Variants in KCNQ1 observed in about 807,000 individuals in gnomAD.
KCNQ1 encodes potassium voltage-gated channel subfamily Q member 1.
KCNQ1 carries 49 observed loss-of-function variants against 72.4 expected under a neutral mutation model. The observed-to-expected ratio is 0.68, with a 90% CI of 0.54 to 0.86. The LOEUF (loss-of-function observed/expected upper bound fraction) is 0.86. Among genes scored for constraint, KCNQ1 ranks in the 40% least tolerant of loss-of-function variants. The probability of loss-of-function intolerance (pLI) is 0.00; values close to 1 mark genes in which losing one functional copy is unlikely to be tolerated. For missense variants in KCNQ1, 790 were observed against 945.1 expected (o/e 0.84, Z 2.15); for synonymous variants, 450 against 412.6 (o/e 1.09, Z -1.10).
chr11:2,838,432 C>T (rs891211993), intron 15 of KCNQ1, among the ~76,000 whole-genome samples: 5 of 146,314 alleles, frequency 3.4e-5, no homozygotes, highest in Non-Finnish European at 4.6e-5. Context: ...GGCATTGATC[C>T]GGAGCCACTG....
chr11:2,640,186 T>C, intron 10 of KCNQ1: 1 of 389,498 alleles, frequency 2.6e-6, no homozygotes, highest in Non-Finnish European at 4.5e-6. Context: ...CTACTTCGTC[T>C]CACACTCAGT....
intron 11 of KCNQ1, chr11:2,662,937 T>C: frequency 2.5e-6 from 1 of 398,656 alleles, no homozygotes; most frequent in Non-Finnish European, 4.4e-6. Context: ...TGTGTGTCTT[T>C]GTCGTAGTGA....
At chr11:2,667,892 C>G (rs1850111765) in intron 11 of KCNQ1, 1 of 398,542 alleles carries the variant, frequency 2.5e-6, no homozygotes, top group African/African-American at 2.1e-5. Context: ...AAGTGCGCAG[C>G]TTGAGGCATC....
rs1254704152 is a variant in KCNQ1, at chr11:2,698,303, T to C, written c.1514+36222T>C. 2 of 398,506 alleles carry C rather than the reference T, an allele frequency of 5.0e-6. No homozygotes were observed. Among genetic ancestry groups the C allele is most frequent in the African/African-American group, 4.1e-5 (2 of 48,628 alleles). The allele number at this position is 398,506 out of a possible 1,614,324, so 24.7% of individuals were successfully genotyped here. On this transcript the variant is annotated intron_variant, in intron 11 of 15. Coordinates refer to ENST00000155840, the MANE Select transcript of KCNQ1 (RefSeq NM_000218.3). The surrounding 1 kb of genome is among the most constrained non-coding windows in gnomAD (Gnocchi z 5.1). ...ATTCTACCTGGATGAATTATTCTCT[T>C]TCATAACCAGAACAGTGCTGTGGGA...
rs557075077 is a variant in KCNQ1 at position 2,550,768 on chromosome 11, A to G, written c.478-19860A>G. On this transcript the variant is annotated intron_variant, in intron 2 of 15. Transcript: ENST00000155840. The surrounding 1 kb of genome is among the most constrained non-coding windows in gnomAD (Gnocchi z 6.0). Reference sequence around the variant, plus strand: ...GGCTCAGCCCAGGACCAGAGCGCAAATAGGGCTGGAGTCCCGAGTACAAGG... The same window carrying G: ...GGCTCAGCCCAGGACCAGAGCGCAAGTAGGGCTGGAGTCCCGAGTACAAGG... 3.3e-5 allele frequency among the ~76,000 whole-genome samples: 5 copies of G among 152,196 alleles called. No individual in the cohort carries two copies. The highest frequency in any genetic ancestry group is 7.4e-5 in the Non-Finnish European group (5 of 67,984).
intron 10 of KCNQ1, chr11:2,630,992 T>A: frequency 2.5e-6 from 1 of 398,564 alleles, no homozygotes; most frequent in Non-Finnish European, 4.4e-6. Flanking sequence ...TTTATTTATC[T>A]TGCCGCTTTC....
In KCNQ1 at chr11:2,531,933, C is replaced by T. The variant is rs190712139; in HGVS notation, c.477+3915C>T. Among the ~76,000 whole-genome samples, 47 of 152,330 alleles carry T rather than the reference C, an allele frequency of 3.1e-4. 1 individual carries two copies. The highest frequency in any genetic ancestry group is 1.1e-3 in the African/African-American group (45 of 41,578). On this transcript the variant is annotated intron_variant, in intron 2 of 15. Transcript: ENST00000155840. ...GGCTACATTCCCCAAGGTGGTGCCA[C>T]GTTCAGGCCCATCACCTGTAACACT...
rs540470179 is a variant in KCNQ1, at chr11:2,557,551, G to A, written c.478-13077G>A. ...CAAAATACGCATCACGCCTGAGCTC[G>A]CTAGCCTACAGTCTGGCAGGGCTCA... On this transcript the variant is annotated intron_variant, in intron 2 of 15. Transcript: ENST00000155840. Among the ~76,000 whole-genome samples the A allele has an allele frequency of 9.2e-5, 14 of 152,316 alleles. No homozygotes were observed. In the East Asian group the frequency reaches 2.1e-3, roughly 23 times the overall value.
At chr11:2,681,646 C>T in intron 11 of KCNQ1, 1 of 396,690 alleles carries the variant, frequency 2.5e-6, no homozygotes, top group Admixed American at 4.4e-5. Context: ...CTATCTCTCC[C>T]TCTCTCAGGA....
intron 1 of KCNQ1, among the ~76,000 whole-genome samples, chr11:2,518,625 C>T (rs1173185232): frequency 2.0e-5 from 3 of 152,160 alleles, no homozygotes; most frequent in Non-Finnish European, 4.4e-5. Context: ...CAGGTTTAAT[C>T]TCCAGATGGC....
intron 11 of KCNQ1, among the ~76,000 whole-genome samples, chr11:2,721,147 G>A (rs1009066928): frequency 6.6e-6 from 1 of 152,134 alleles, no homozygotes; most frequent in Non-Finnish European, 1.5e-5. Context: ...ACGCCGGGGG[G>A]ACATGTTGCT....
intron 10 of KCNQ1, chr11:2,655,278 T>A (rs966310775): frequency 2.5e-6 from 1 of 398,614 alleles, no homozygotes; most frequent in Non-Finnish European, 4.4e-6. Context: ...AACAAAATTG[T>A]TTTGTTCTGC....
Position 2,827,331 on chromosome 11 carries a change from T to C in KCNQ1, c.1795-20436T>C, listed in dbSNP as rs1847859515. ...TGGTGAATCAGCCTGGCCCCAGACC[T>C]CCTCTCTCTGCTTGCTTTCCTGTCC... On this transcript the variant is annotated intron_variant, in intron 15 of 15. Transcript: ENST00000155840. This position sits in a 1 kb window ranked among gnomAD's most constrained non-coding sequence, Gnocchi z 6.7. 6.6e-6 allele frequency among the ~76,000 whole-genome samples: 1 copy of C among 152,068 alleles called. No individual in the cohort carries two copies.
rs937652392 is a variant in KCNQ1, at chr11:2,491,606, T to G, written c.387-36322T>G. Among the ~76,000 whole-genome samples the G allele has an allele frequency of 3.3e-5, 5 of 152,096 alleles. No homozygotes were observed. The East Asian group carries it at 7.7e-4, about 23-fold the overall frequency. On this transcript the variant is annotated intron_variant, in intron 1 of 15. Coordinates refer to ENST00000155840, the MANE Select transcript of KCNQ1 (RefSeq NM_000218.3). This position sits in a 1 kb window ranked among gnomAD's most constrained non-coding sequence, Gnocchi z 4.1. ...AGCCTCAAAAGGGCAAATCTAAGAT[T>G]TATTGACCTTAAAGAGGAGGTAGAG...
At position 2,808,164 on chromosome 11, in the gene KCNQ1, C is replaced by G. The variant is rs1199163339; in HGVS notation, c.1794+30127C>G. On this transcript the variant is annotated intron_variant, in intron 15 of 15. Transcript: ENST00000155840. The surrounding 1 kb of genome is among the most constrained non-coding windows in gnomAD (Gnocchi z 6.0). ...ATTTTCCCTGCCCACTGCCAAGCAC[C>G]AGACCAAGATCTGATGCCATCTGCC... is the stretch of plus-strand genomic sequence containing the variant. Among the ~76,000 whole-genome samples the G allele has an allele frequency of 6.6e-6, 1 of 152,218 alleles. No homozygotes were observed. Among genetic ancestry groups the G allele is most frequent in the Non-Finnish European group, 1.5e-5 (1 of 68,040 alleles).
At chr11:2,788,181 C>A (rs1846948656) in intron 15 of KCNQ1, among the ~76,000 whole-genome samples, 1 of 151,980 alleles carries the variant, frequency 6.6e-6, no homozygotes, top group African/African-American at 2.4e-5. Flanking sequence ...AGAGATGCAT[C>A]CCTGCAGACC....
At chr11:2,705,186 T>C (rs1469683711) in intron 11 of KCNQ1, among the ~76,000 whole-genome samples, 1 of 152,170 alleles carries the variant, frequency 6.6e-6, no homozygotes, top group Non-Finnish European at 1.5e-5. Context: ...TTAGGGTCAC[T>C]CCCAGCCTGT....
chr11:2,461,830 A>T, intron 1 of KCNQ1: 2 of 618,466 alleles, frequency 3.2e-6, no homozygotes, highest in Non-Finnish European at 5.2e-6. Flanking sequence ...GGATAGATGA[A>T]GTACTGGGTG....
Position 2,690,949 on chromosome 11 carries a change from G to A in KCNQ1, c.1514+28868G>A, listed in dbSNP as rs1038554367. ...TTAAGCCAACCTGAAAGGTTCATTT[G>A]GGAGTCACGGGTATGTGTCAACAAA... On this transcript the variant is annotated intron_variant, in intron 11 of 15. Coordinates refer to ENST00000155840, the MANE Select transcript of KCNQ1 (RefSeq NM_000218.3). The surrounding 1 kb of genome is among the most constrained non-coding windows in gnomAD (Gnocchi z 5.1). 1.3e-5 allele frequency: 5 copies of A among 398,494 alleles called. No individual in the cohort carries two copies. The highest frequency in any genetic ancestry group is 2.2e-5 in the Non-Finnish European group (5 of 226,074). The allele number at this position is 398,494 out of a possible 1,614,324, so 24.7% of individuals were successfully genotyped here.
Sources: gnomAD v4.1 joint callset for allele counts (sites outside exome capture counted in the v4.1 genomes callset) on GRCh38, gnomAD v4.1.1 for gene constraint, Gnocchi (gnomAD v3.1) non-coding constraint, MANE v1.5 for transcripts, NCBI Gene and HGNC (gene_info 2026-07-23, HGNC 2026-07-21) for gene names.